Variants in SIAE observed in about 807,000 individuals in gnomAD.
The protein encoded by SIAE is sialate O-acetylesterase.
In SIAE, 39 loss-of-function variants were observed where a neutral mutation model predicts 52.6. The observed-to-expected ratio is 0.74, with a 90% CI of 0.57 to 0.97. The LOEUF (loss-of-function observed/expected upper bound fraction) is 0.97. SIAE is among the 50% of genes least tolerant of loss of function. SIAE has a pLI of 0.00. For missense variants in SIAE, 592 were observed against 662.1 expected (o/e 0.89, Z 1.16); for synonymous variants, 233 against 241.4 (o/e 0.97, Z 0.32).
chr11:124,657,129 C>A (rs556093992), intron 3 of SIAE, among the ~76,000 whole-genome samples: 1 of 152,202 alleles, frequency 6.6e-6, no homozygotes, highest in Admixed American at 6.5e-5. Context: ...GTGGTGGCAG[C>A]TCTAGGCTGT....
At chr11:124,673,074 C>A (rs1943392967) in intron 1 of SIAE, among the ~76,000 whole-genome samples, 1 of 152,156 alleles carries the variant, frequency 6.6e-6, no homozygotes, top group Non-Finnish European at 1.5e-5. Flanking sequence ...TTTCCCACCA[C>A]CAATATCTGT....
At chr11:124,654,609 C>G (rs781443792) in intron 4 of SIAE, 46 bp downstream of exon 4, 5 of 1,613,628 alleles carry the variant, frequency 3.1e-6, no homozygotes, top group Non-Finnish European at 4.2e-6. Flanking sequence ...CCACTTAGGG[C>G]GCTAACCCAT....
intron 2 of SIAE, among the ~76,000 whole-genome samples, chr11:124,662,717 G>A (rs181670855): frequency 2.6e-5 from 4 of 152,258 alleles, no homozygotes; most frequent in East Asian, 3.9e-4. Flanking sequence ...ATCAAGACCC[G>A]AGCCTTGTTC....
chr11:124,661,025 A>C (rs1424701559), intron 2 of SIAE, among the ~76,000 whole-genome samples: 2 of 152,228 alleles, frequency 1.3e-5, no homozygotes, highest in African/African-American at 2.4e-5. Context: ...AAGCATTTAC[A>C]AAAAAAGTAA....
chr11:124,676,290 A>C (rs1943463997), upstream of SIAE: 1 of 152,242 alleles, frequency 6.6e-6, no homozygotes, highest in African/African-American at 2.4e-5. Context: ...ACTGCACTCC[A>C]TCCTGGGCAC....
At chr11:124,647,237 A>T in intron 7 of SIAE, 128 bp downstream of exon 7, 1 of 1,320,900 alleles carries the variant, frequency 7.6e-7, no homozygotes, top group Non-Finnish European at 1.1e-6. Context: ...TATGAGGACA[A>T]AAAAGGAAGA....
chr11:124,651,257 G>C (rs1454254574), intron 4 of SIAE, among the ~76,000 whole-genome samples: 1 of 152,096 alleles, frequency 6.6e-6, no homozygotes, highest in African/African-American at 2.4e-5. Flanking sequence ...GATAGAATAA[G>C]GCAAGTAGGG....
rs568788181 is a variant in SIAE, at chr11:124,637,213, A to C, written c.1321-11T>G. 3 of 1,614,118 alleles carry C rather than the reference A, an allele frequency of 1.9e-6. No individual in the cohort carries two copies. The African/African-American group carries it at 4.0e-5, about 22-fold the overall frequency. On this transcript the variant is annotated splice_polypyrimidine_tract_variant and intron_variant, in intron 9 of 9. Transcript: ENST00000263593. ...ACTGCAACAGGAGATCTAATAAGAG[A>C]GCCATAAAATAGGAATGATTAGGTC...
At chr11:124,669,254 G>T in intron 2 of SIAE, 106 bp downstream of exon 2, 1 of 1,380,334 alleles carries the variant, frequency 7.2e-7, no homozygotes, top group Non-Finnish European at 1.0e-6. Flanking sequence ...ACAGACGGAT[G>T]TAGGGACGGA....
chr11:124,649,559 C>G, intron 5 of SIAE, 60 bp downstream of exon 5: 2 of 1,571,862 alleles, frequency 1.3e-6, no homozygotes, highest in Non-Finnish European at 1.7e-6. Context: ...AGGACGATGA[C>G]CCTCTCTCTT....
intron 2 of SIAE, among the ~76,000 whole-genome samples, chr11:124,665,930 C>G (rs1431657006): frequency 6.6e-6 from 1 of 152,124 alleles, no homozygotes. Context: ...TATCTATTTA[C>G]CTCAATCATG....
intron 3 of SIAE, among the ~76,000 whole-genome samples, chr11:124,655,189 T>TTTG (rs1324577651): frequency 2.7e-5 from 4 of 150,462 alleles, no homozygotes; most frequent in African/African-American, 1.0e-4. Context: ...TTTTTTTTTT[T>TTTG]TGTGTGTGAG....
chr11:124,658,709 A>T (rs1263320487), intron 3 of SIAE, among the ~76,000 whole-genome samples: 2 of 152,174 alleles, frequency 1.3e-5, no homozygotes, highest in Non-Finnish European at 2.9e-5. Flanking sequence ...CTTGATTTGA[A>T]TGTGAAGAGT....
chr11:124,671,022 G>C lies in SIAE; in HGVS notation c.68-1501C>G, dbSNP rs915055617. Reference sequence around the variant, plus strand: ...TAAGAGCTAAGTAGAGAGAGGGTGGGGGTAGGGGAATGGCTGCAGCTTGCA... The same window carrying C: ...TAAGAGCTAAGTAGAGAGAGGGTGGCGGTAGGGGAATGGCTGCAGCTTGCA... On this transcript the variant is annotated intron_variant, in intron 1 of 9. Transcript: ENST00000263593. 3.3e-5 allele frequency among the ~76,000 whole-genome samples: 5 copies of C among 152,140 alleles called. No individual in the cohort carries two copies. The South Asian group carries it at 8.3e-4, about 25-fold the overall frequency.
At chr11:124,649,152 T>C (rs905408498) in intron 5 of SIAE, among the ~76,000 whole-genome samples, 1 of 152,194 alleles carries the variant, frequency 6.6e-6, no homozygotes, top group Admixed American at 6.5e-5. Flanking sequence ...TTTATTCTTC[T>C]AGGCAATACA....
intron 5 of SIAE, among the ~76,000 whole-genome samples, chr11:124,649,333 A>G (rs1388491401): frequency 2.0e-5 from 3 of 150,742 alleles, no homozygotes; most frequent in African/African-American, 7.3e-5. Context: ...TTCATAATTT[A>G]TATATATAAA....
rs1330050477 is a variant in SIAE, at chr11:124,654,741, C to T, written c.458G>A (p.Arg153His). 4.3e-6 allele frequency: 7 copies of T among 1,613,914 alleles called. No individual in the cohort carries two copies. Among genetic ancestry groups the T allele is most frequent in the East Asian group, 2.2e-5 (1 of 44,880 alleles). ...LSNTAAYQSV[R>H]ILSVSPIQAE... The stretch of plus-strand genomic sequence containing the variant: ...TTGAATGGGAGAGACAGAGAGGATG[C>T]GGACAGACTGATATGCCGCAGTGTT... Residue 153 changes from arginine to histidine, a missense_variant, in exon 4 of 10, where the codon CGC (arginine) becomes CAC (histidine). Coordinates refer to ENST00000263593, the MANE Select transcript of SIAE (RefSeq NM_170601.5).
chr11:124,652,436 C>T (rs1943030303), intron 4 of SIAE, among the ~76,000 whole-genome samples: 1 of 151,990 alleles, frequency 6.6e-6, no homozygotes, highest in Admixed American at 6.6e-5. Flanking sequence ...GCCTGTAATC[C>T]CAGCACTTTG....
intron 2 of SIAE, among the ~76,000 whole-genome samples, chr11:124,663,466 C>T (rs1225287123): frequency 2.0e-5 from 3 of 151,804 alleles, no homozygotes; most frequent in African/African-American, 4.8e-5. Context: ...CCCAGCTACT[C>T]GGGAGGCTGA....
Sources: gnomAD v4.1 joint callset for allele counts (sites outside exome capture counted in the v4.1 genomes callset) on GRCh38, gnomAD v4.1.1 for gene constraint, MANE v1.5 for transcripts, NCBI Gene and HGNC (gene_info 2026-07-23, HGNC 2026-07-21) for gene names.